ARHGAP28: variants seen among roughly 807,000 people sequenced by gnomAD.
The protein encoded by ARHGAP28 is Rho GTPase activating protein 28.
A neutral mutation model predicts 90.7 loss-of-function variants in ARHGAP28; 56 were observed. The ratio of observed to expected loss-of-function variants is 0.62; its 90% CI spans 0.50 to 0.77. The LOEUF is 0.77. Among genes scored for constraint, ARHGAP28 ranks in the 30% least tolerant of loss-of-function variants. The pLI, the probability that ARHGAP28 is intolerant of heterozygous loss-of-function variation, is 0.00. For missense variants in ARHGAP28, 869 were observed against 900.9 expected, an observed-to-expected ratio of 0.96 and a Z score of 0.45; for synonymous variants, 308 against 323.3, an observed-to-expected ratio of 0.95 and a Z score of 0.51.
At chr18:6,813,260 T>C (rs1375643329) in intron 1 of ARHGAP28, among the ~76,000 whole-genome samples, 1 of 152,224 alleles carries the variant, frequency 6.6e-6, no homozygotes, top group Non-Finnish European at 1.5e-5. Flanking sequence ...GGTTAACCTA[T>C]GGGTAAACTT....
chr18:6,784,837 T>C (rs1316539628), intron 1 of ARHGAP28, among the ~76,000 whole-genome samples: 3 of 152,216 alleles, frequency 2.0e-5, no homozygotes, highest in Admixed American at 6.5e-5. Flanking sequence ...AGTAAAGATA[T>C]CTGATTATAA....
At chr18:6,839,156 A>G (rs1353114093) in intron 3 of ARHGAP28, among the ~76,000 whole-genome samples, 1 of 152,182 alleles carries the variant, frequency 6.6e-6, no homozygotes, top group African/African-American at 2.4e-5. Context: ...TAAATGAAGG[A>G]CAAGTAACGT....
At chr18:6,906,877 A>T (rs571991569) in intron 16 of ARHGAP28, among the ~76,000 whole-genome samples, 4 of 152,190 alleles carry the variant, frequency 2.6e-5, no homozygotes, top group Admixed American at 1.3e-4. Flanking sequence ...AAAACCACAT[A>T]TCCAACAAAG....
chr18:6,769,877 A>G (rs969389264), intron 1 of ARHGAP28, among the ~76,000 whole-genome samples: 5 of 152,192 alleles, frequency 3.3e-5, no homozygotes, highest in Non-Finnish European at 7.3e-5. Flanking sequence ...GAAAAGGGGG[A>G]GGAAATGTCT....
chr18:6,859,951 G>C lies in ARHGAP28; in HGVS notation c.726+54G>C, dbSNP rs2056985073. On this transcript the variant is annotated intron_variant, in intron 5 of 17. Transcript: ENST00000383472. ...TGTCAAGGTACAGTTGCAAGTCAAA[G>C]CAACTAATGTAGGAAGGTAAGAAGA... The C allele has an allele frequency of 3.4e-6, 5 of 1,465,280 alleles. No homozygotes were observed. The Middle Eastern group carries it at 7.0e-4, about 204-fold the overall frequency. 90.8% of individuals were successfully genotyped at this position (1,465,280 alleles called of 1,614,324 possible).
rs1307985209 is a variant in ARHGAP28 at position 6,768,967 on chromosome 18, A to C, written c.122+39024A>C. On this transcript the variant is annotated intron_variant, in intron 1 of 17. Coordinates refer to ENST00000383472, the MANE Select transcript of ARHGAP28 (RefSeq NM_001366230.1). ...TTTTATGTAGTTTATGCAGTTATCTAGTTGTTTATGGTGGCAAGGCTAATC... is the reference window on the plus strand; with the variant it reads ...TTTTATGTAGTTTATGCAGTTATCTCGTTGTTTATGGTGGCAAGGCTAATC... Among the ~76,000 whole-genome samples, 8 of 152,078 alleles carry C rather than the reference A, an allele frequency of 5.3e-5. 1 individual carries two copies. Among genetic ancestry groups the C allele is most frequent in the Middle Eastern group, 6.3e-3 (2 of 316 alleles).
intron 2 of ARHGAP28, among the ~76,000 whole-genome samples, chr18:6,826,396 G>C (rs1277864620): frequency 6.6e-6 from 1 of 151,160 alleles, no homozygotes; most frequent in Non-Finnish European, 1.5e-5. Flanking sequence ...CAGATGCATA[G>C]TTTGTGAATA....
intron 2 of ARHGAP28, among the ~76,000 whole-genome samples, chr18:6,831,248 C>A (rs1423583761): frequency 1.3e-5 from 2 of 152,072 alleles, no homozygotes; most frequent in African/African-American, 2.4e-5. Context: ...AAACTCTTGA[C>A]TATTTTTTAA....
chr18:6,771,335 G>A (rs2056241249), intron 1 of ARHGAP28, among the ~76,000 whole-genome samples: 1 of 152,128 alleles, frequency 6.6e-6, no homozygotes, highest in Non-Finnish European at 1.5e-5. Flanking sequence ...ATAAGCCACT[G>A]TGCCTGGCCT....
At chr18:6,907,394 G>GA (rs201812761) in intron 16 of ARHGAP28, among the ~76,000 whole-genome samples, 80,699 of 136,726 alleles carry the variant, frequency 0.59, 22,989 homozygotes, top group Non-Finnish European at 0.63. Context: ...TCAAAAACTG[G>GA]AAAAAAAAAA....
intron 14 of ARHGAP28, among the ~76,000 whole-genome samples, chr18:6,893,340 G>A (rs979439663): frequency 3.3e-5 from 5 of 152,174 alleles, no homozygotes; most frequent in Non-Finnish European, 7.3e-5. Flanking sequence ...CACTGAACTG[G>A]AGAGCAGGGA....
chr18:6,879,284 A>C, intron 10 of ARHGAP28, among the ~76,000 whole-genome samples: 1 of 152,082 alleles, frequency 6.6e-6, no homozygotes, highest in Non-Finnish European at 1.5e-5. Flanking sequence ...TTCTTTTTTG[A>C]CTAGTTTGAA....
intron 1 of ARHGAP28, among the ~76,000 whole-genome samples, chr18:6,760,945 C>T (rs1340799881): frequency 6.6e-6 from 1 of 152,128 alleles, no homozygotes; most frequent in Admixed American, 6.5e-5. Context: ...TATCAGGGGT[C>T]CTTAGCATAT....
intron 12 of ARHGAP28, 34 bp downstream of exon 12, chr18:6,887,273 G>C: frequency 6.3e-7 from 1 of 1,586,214 alleles, no homozygotes; most frequent in Non-Finnish European, 8.7e-7. Context: ...TTGTCCTGGG[G>C]CTCTTATTGC....
Position 6,912,305 on chromosome 18 carries a change from A to G in ARHGAP28, c.*151A>G, listed in dbSNP as rs2057403787. On this transcript the variant is annotated 3_prime_UTR_variant, in exon 18 of 18. Transcript: ENST00000383472. ...GCAGTGGGCATTGTAAGCATGAACT[A>G]TGGAAGAGGCGCCGGTTCACCAATT... 4.5e-6 allele frequency: 2 copies of G among 441,930 alleles called. No individual in the cohort carries two copies. The highest frequency in any genetic ancestry group is 4.1e-5 in the Admixed American group (1 of 24,592). The allele number at this position is 441,930 out of a possible 1,614,324, so 27.4% of individuals were successfully genotyped here.
chr18:6,747,889 A>C (rs1349025479), intron 1 of ARHGAP28, among the ~76,000 whole-genome samples: 2 of 152,250 alleles, frequency 1.3e-5, no homozygotes, highest in Non-Finnish European at 2.9e-5. Flanking sequence ...TGGATGATCC[A>C]GCTGGGTATC....
chr18:6,804,839 T>C (rs1028921455), intron 1 of ARHGAP28, among the ~76,000 whole-genome samples: 3 of 152,234 alleles, frequency 2.0e-5, no homozygotes, highest in Non-Finnish European at 4.4e-5. Context: ...TCTATATTGG[T>C]AAATGTTCTA....
intron 5 of ARHGAP28, among the ~76,000 whole-genome samples, chr18:6,861,060 T>C (rs1268289717): frequency 1.3e-5 from 2 of 152,220 alleles, no homozygotes; most frequent in Non-Finnish European, 2.9e-5. Context: ...TCACAAAGTC[T>C]GGTAACTGTT....
chr18:6,881,053 C>T (rs1166776060), intron 10 of ARHGAP28, among the ~76,000 whole-genome samples: 1 of 152,172 alleles, frequency 6.6e-6, no homozygotes, highest in Non-Finnish European at 1.5e-5. Context: ...TCCTTTTGAT[C>T]TTATCAGTAG....
Sources: gnomAD v4.1 joint callset for allele counts (sites outside exome capture counted in the v4.1 genomes callset) on GRCh38, gnomAD v4.1.1 for gene constraint, MANE v1.5 for transcripts, NCBI Gene and HGNC (gene_info 2026-07-23, HGNC 2026-07-21) for gene names.